The following ZNF592 variants were observed in gnomAD, a reference collection of about 807,000 sequenced individuals.
The protein encoded by ZNF592 is zinc finger protein 592.
In ZNF592, 11 loss-of-function variants were observed where a neutral mutation model predicts 80.3. That is an observed-to-expected ratio of 0.14 (90% CI 0.09 to 0.23). The LOEUF is 0.23. Ranked by LOEUF, ZNF592 falls within the 10% of genes least tolerant of loss-of-function variation. The pLI is 1.00. For synonymous variants in ZNF592, 646 were observed against 640.3 expected (o/e 1.01, Z -0.13); for missense variants, 1,420 against 1,633.9 (o/e 0.87, Z 2.26).
At chr15:84,795,351 G>A (rs1035066111) in intron 5 of ZNF592, among the ~76,000 whole-genome samples, 5 of 152,258 alleles carry the variant, frequency 3.3e-5, no homozygotes, top group South Asian at 2.1e-4. Context: ...GGTCAAGTGC[G>A]GTGTCATATG....
chr15:84,794,534 G>A (rs1962839436), intron 5 of ZNF592, among the ~76,000 whole-genome samples: 1 of 151,452 alleles, frequency 6.6e-6, no homozygotes, highest in African/African-American at 2.4e-5. Context: ...GGAGTGCAGT[G>A]GCGCTATCTC....
Position 84,798,998 on chromosome 15 carries a change from G to T in ZNF592, c.3025-100G>T. The T allele has an allele frequency of 6.3e-7, 1 of 1,588,400 alleles. No individual in the cohort carries two copies. The highest frequency in any genetic ancestry group is 8.6e-7 in the Non-Finnish European group (1 of 1,158,034). On this transcript the variant is annotated intron_variant, in intron 8 of 10. Transcript: ENST00000560079. This position sits in a 1 kb window ranked among gnomAD's most constrained non-coding sequence, Gnocchi z 4.5. The stretch of plus-strand genomic sequence containing the variant: ...GGGTACCACAGATCTTGAGGTCTTC[G>T]GGAGTATCCTCCTTTCTGCCCATGG...
At chr15:84,759,797 C>G (rs934032101) in intron 1 of ZNF592, among the ~76,000 whole-genome samples, 3 of 152,180 alleles carry the variant, frequency 2.0e-5, no homozygotes, top group African/African-American at 7.2e-5. Context: ...TCAGTTCCTG[C>G]AGTGAATGTT....
chr15:84,792,132 A>AGG (rs1388731261), intron 5 of ZNF592, among the ~76,000 whole-genome samples: 4 of 152,042 alleles, frequency 2.6e-5, no homozygotes, highest in Non-Finnish European at 5.9e-5. Context: ...TGAGATGCTG[A>AGG]GGGCTTCACT....
chr15:84,782,573 G>A, intron 3 of ZNF592, 84 bp from the exon 4 acceptor site: 1 of 1,261,268 alleles, frequency 7.9e-7, no homozygotes, highest in South Asian at 1.2e-5. Context: ...CTGGCTGTGT[G>A]TGCATTAGTT....
Position 84,783,821 on chromosome 15 carries a change from A to T in ZNF592, c.1146A>T (p.Thr382=). 6.2e-7 allele frequency: 1 copy of T among 1,614,224 alleles called. No homozygotes were observed. Among genetic ancestry groups the T allele is most frequent in the Non-Finnish European group, 8.5e-7 (1 of 1,180,028 alleles). ...IPKVRIKTIK[T]SSGEIKRTVT... is the part of the protein sequence containing the mutation. Reference sequence around the variant, plus strand: ...AAGTGAGAATCAAAACCATTAAGACATCATCAGGGGAAATCAAACGGACTG... The same window carrying T: ...AAGTGAGAATCAAAACCATTAAGACTTCATCAGGGGAAATCAAACGGACTG... The change falls in exon 4 of 11, where the codon ACA becomes ACT. Residue 382 remains threonine (T), a synonymous_variant. Coordinates refer to ENST00000560079, the MANE Select transcript of ZNF592 (RefSeq NM_014630.3). The surrounding 1 kb of genome is among the most constrained non-coding windows in gnomAD (Gnocchi z 5.0).
chr15:84,770,105 T>C (rs935384648), intron 2 of ZNF592, among the ~76,000 whole-genome samples: 1 of 152,142 alleles, frequency 6.6e-6, no homozygotes, highest in Admixed American at 6.5e-5. Context: ...ATTTTGAAGG[T>C]TGAGTTGACA....
intron 4 of ZNF592, among the ~76,000 whole-genome samples, 195 bp from the exon 5 acceptor site, chr15:84,790,510 A>G (rs1962716332): frequency 6.6e-6 from 1 of 152,204 alleles, no homozygotes. Flanking sequence ...GTGTCAGACA[A>G]AGCTTGCTTG....
intron 4 of ZNF592, among the ~76,000 whole-genome samples, chr15:84,787,354 C>G (rs747911432): frequency 1.3e-5 from 2 of 152,226 alleles, no homozygotes; most frequent in Admixed American, 1.3e-4. Context: ...CTCACAAAAT[C>G]TCATGCCACT....
intron 2 of ZNF592, among the ~76,000 whole-genome samples, chr15:84,765,158 G>C (rs1484091002): frequency 6.6e-6 from 1 of 152,088 alleles, no homozygotes; most frequent in African/African-American, 2.4e-5. Flanking sequence ...CATGTAAGTG[G>C]AATCATTCAG....
intron 1 of ZNF592, among the ~76,000 whole-genome samples, chr15:84,763,896 A>G (rs1899422786): frequency 6.6e-6 from 1 of 152,232 alleles, no homozygotes; most frequent in Non-Finnish European, 1.5e-5. Context: ...TCTGAATCTT[A>G]GAGGGGTAGT....
At chr15:84,748,991 A>C (rs962809682) in intron 1 of ZNF592, among the ~76,000 whole-genome samples, 6 of 152,112 alleles carry the variant, frequency 3.9e-5, no homozygotes, top group African/African-American at 1.4e-4. Flanking sequence ...GCCCTCGGCG[A>C]TAGCCGGCGG....
Position 84,784,250 on chromosome 15 carries a change from G to T in ZNF592, c.1575G>T (p.Val525=), listed in dbSNP as rs751903300. 1.9e-6 allele frequency: 3 copies of T among 1,614,240 alleles called. No individual in the cohort carries two copies. Among genetic ancestry groups the T allele is most frequent in the Admixed American group, 1.7e-5 (1 of 60,026 alleles). The change falls in exon 4 of 11, where the codon GTG becomes GTT. Residue 525 remains valine, a synonymous_variant. Transcript: ENST00000560079. This position sits in a 1 kb window ranked among gnomAD's most constrained non-coding sequence, Gnocchi z 5.8. ...CATCAGTGACAGCCAAGTCTTCAGT[G>T]CAAAGACGGAGCCAGCCACAGCTTA... ...VAASVTAKSS[V]QRRSQPQLTQ...
intron 1 of ZNF592, among the ~76,000 whole-genome samples, chr15:84,753,914 G>A (rs778613494): frequency 6.6e-6 from 1 of 152,190 alleles, no homozygotes; most frequent in East Asian, 1.9e-4. Flanking sequence ...TTCATTTGTG[G>A]GCATCTGGTC....
intron 4 of ZNF592, among the ~76,000 whole-genome samples, chr15:84,785,907 G>T (rs890518383): frequency 2.6e-5 from 4 of 151,668 alleles, no homozygotes; most frequent in African/African-American, 9.7e-5. Context: ...ATACCCTTTG[G>T]CACCTTCTGT....
rs151128166 is a variant in ZNF592 at position 84,788,706 on chromosome 15, C to T, written c.2221-1999C>T. Reference sequence around the variant, plus strand: ...TGTTGCAAAACTGAAACCCTGTACTCGTTTTAAAAAAGAAACAAACAAAAA... The same window carrying T: ...TGTTGCAAAACTGAAACCCTGTACTTGTTTTAAAAAAGAAACAAACAAAAA... On this transcript the variant is annotated intron_variant, in intron 4 of 10. Coordinates refer to ENST00000560079, the MANE Select transcript of ZNF592 (RefSeq NM_014630.3). Among the ~76,000 whole-genome samples, 608 of 152,244 alleles carry T rather than the reference C, an allele frequency of 4.0e-3. 2 individuals are homozygous for T. Among genetic ancestry groups the T allele is most frequent in the African/African-American group, 0.014 (575 of 41,532 alleles).
rs1186787433 is a variant in ZNF592, at chr15:84,802,123, G to A, written c.3534G>A (p.Val1178=). The A allele has an allele frequency of 2.5e-6, 4 of 1,609,812 alleles. No individual in the cohort carries two copies. Among genetic ancestry groups the A allele is most frequent in the Non-Finnish European group, 3.4e-6 (4 of 1,177,160 alleles). The change falls in exon 11 of 11, where the codon GTG becomes GTA. Residue 1178 remains valine, a synonymous_variant. Transcript: ENST00000560079. ...LSRHLFIVHK[V]RDQEEEEEEE... ...GCCACCTCTTCATTGTCCACAAGGT[G>A]AGAGACCAGGAGGAGGAGGAGGAAG...
intron 5 of ZNF592, among the ~76,000 whole-genome samples, chr15:84,791,721 T>C (rs28595395): frequency 0.51 from 77,568 of 151,990 alleles, 20,169 homozygotes; most frequent in East Asian, 0.79. Flanking sequence ...AGTCCCACAA[T>C]AGAGAAATGG....
intron 5 of ZNF592, 69 bp from the exon 6 acceptor site, chr15:84,797,800 G>C: frequency 6.4e-7 from 1 of 1,572,888 alleles, no homozygotes; most frequent in Middle Eastern, 1.7e-4. Context: ...CCCTCCTCTT[G>C]CAGCACCACC....
Sources: gnomAD v4.1 joint callset for allele counts (sites outside exome capture counted in the v4.1 genomes callset) on GRCh38, gnomAD v4.1.1 for gene constraint, Gnocchi (gnomAD v3.1) non-coding constraint, MANE v1.5 for transcripts, NCBI Gene and HGNC (gene_info 2026-07-23, HGNC 2026-07-21) for gene names.